TBK1: variants seen among roughly 807,000 people sequenced by gnomAD.
TBK1 encodes TANK binding kinase 1, also known as serine/threonine-protein kinase TBK1.
A neutral mutation model predicts 99.9 loss-of-function variants in TBK1; 37 were observed. That is an observed-to-expected ratio of 0.37 (90% CI 0.28 to 0.49). The LOEUF (loss-of-function observed/expected upper bound fraction) is 0.49. Among genes scored for constraint, TBK1 ranks in the 20% least tolerant of loss-of-function variants. TBK1 has a pLI of 0.98. For synonymous variants in TBK1, 258 were observed against 279.8 expected, an observed-to-expected ratio of 0.92 and a Z score of 0.78; for missense variants, 644 against 872.5, an observed-to-expected ratio of 0.74 and a Z score of 3.30.
chr12:64,457,318 A>G (rs982849813), intron 2 of TBK1, among the ~76,000 whole-genome samples: 1 of 152,166 alleles, frequency 6.6e-6, no homozygotes, highest in Non-Finnish European at 1.5e-5. Flanking sequence ...CTCCCCCTGT[A>G]TCTAGAATTA....
chr12:64,466,883 T>C lies in TBK1; in HGVS notation c.359-18T>C. On this transcript the variant is annotated intron_variant, in intron 4 of 20. Transcript: ENST00000331710. ...TAAATATCTACATTATGACTTCTTT[T>C]GTTTTATATTGTTGAAGTGGGTGGA... 1 of 1,523,936 alleles carries C rather than the reference T, an allele frequency of 6.6e-7. No homozygotes were observed. Among genetic ancestry groups the C allele is most frequent in the Non-Finnish European group, 8.8e-7 (1 of 1,131,520 alleles). The allele number at this position is 1,523,936 out of a possible 1,614,324, so 94.4% of individuals were successfully genotyped here.
intron 8 of TBK1, 129 bp from the exon 9 acceptor site, chr12:64,484,174 C>T (rs2040795632): frequency 3.2e-6 from 2 of 623,834 alleles, no homozygotes; most frequent in South Asian, 4.8e-5. Flanking sequence ...ATTAACAAAG[C>T]AAGTTTATAT....
intron 18 of TBK1, 27 bp from the exon 19 acceptor site, chr12:64,497,621 C>CTTTTTTTTTTT (rs71092972): frequency 9.2e-5 from 94 of 1,025,070 alleles, no homozygotes; most frequent in South Asian, 2.5e-4. Context: ...GGGTTTTTTT[C>CTTTTTTTTTTT]TTTTTTTTTT....
chr12:64,460,951 T>G (rs866665868), intron 3 of TBK1, among the ~76,000 whole-genome samples: 2 of 151,764 alleles, frequency 1.3e-5, no homozygotes, highest in Non-Finnish European at 1.5e-5. Context: ...CATGGAGGTG[T>G]ACGCCTGTAG....
At chr12:64,464,558 G>C (rs566658743) in intron 4 of TBK1, 95 bp downstream of exon 4, 3 of 950,322 alleles carry the variant, frequency 3.2e-6, no homozygotes, top group East Asian at 6.0e-5. Context: ...AGACCTTTAT[G>C]CAATGCTTCA....
At position 64,474,378 on chromosome 12, in the gene TBK1, A is replaced by G. The variant is rs2040691987; in HGVS notation, c.689A>G (p.Asn230Ser). Residue 230 changes from asparagine to serine, a missense_variant, in exon 6 of 21, where the codon AAT becomes AGT. Transcript: ENST00000331710. ...AGACCCTTTGAAGGGCCTCGTAGGA[A>G]TAAAGAAGTGATGTAAGTGGTTTCC... ...PFRPFEGPRRNKEVMYKIITG... is the reference protein window; with the variant it reads ...PFRPFEGPRRSKEVMYKIITG... 3 of 1,610,388 alleles carry G rather than the reference A, an allele frequency of 1.9e-6. No individual in the cohort carries two copies. Among genetic ancestry groups the G allele is most frequent in the Non-Finnish European group, 2.5e-6 (3 of 1,179,026 alleles).
At chr12:64,498,094 A>G in intron 20 of TBK1, 55 bp downstream of exon 20, 1 of 1,397,644 alleles carries the variant, frequency 7.2e-7, no homozygotes, top group Non-Finnish European at 1.0e-6. Context: ...GTTCATTCAC[A>G]TCTGTACTTA....
chr12:64,497,365 A>C, intron 18 of TBK1, 106 bp downstream of exon 18: 4 of 817,528 alleles, frequency 4.9e-6, no homozygotes, highest in Non-Finnish European at 7.3e-6. Context: ...AGTTCCACCC[A>C]CCAATTTTTA....
intron 12 of TBK1, among the ~76,000 whole-genome samples, chr12:64,489,614 G>T (rs2040849286): frequency 6.6e-6 from 1 of 150,456 alleles, no homozygotes. Context: ...TGTCATCTAG[G>T]CTGGAGTGCA....
rs542406561 is a variant in TBK1 at position 64,487,268 on chromosome 12, C to G, written c.1341-1219C>G. On this transcript the variant is annotated intron_variant, in intron 11 of 20. Transcript: ENST00000331710. ...CGTACACATCATGATGGCCTTGTGG[C>G]CGACAGATGTTAAGAAGTTTGTTTT... is the stretch of plus-strand genomic sequence containing the variant. Among the ~76,000 whole-genome samples, 20 of 152,282 alleles carry G rather than the reference C, an allele frequency of 1.3e-4. 1 individual carries two copies. In the South Asian group the frequency reaches 3.3e-3, roughly 25 times the overall value.
At chr12:64,471,280 T>C (rs890638358) in intron 5 of TBK1, among the ~76,000 whole-genome samples, 1 of 151,718 alleles carries the variant, frequency 6.6e-6, no homozygotes, top group Admixed American at 6.6e-5. Context: ...GTGATTCTTA[T>C]GTGCCAGCCT....
chr12:64,462,847 T>G (rs115734014), intron 3 of TBK1, among the ~76,000 whole-genome samples: 9 of 152,290 alleles, frequency 5.9e-5, no homozygotes, highest in African/African-American at 2.2e-4. Context: ...GTTATTAAAT[T>G]GATGAAGCAT....
intron 9 of TBK1, among the ~76,000 whole-genome samples, chr12:64,485,046 T>A (rs1430459472): frequency 6.6e-6 from 1 of 152,206 alleles, no homozygotes; most frequent in Non-Finnish European, 1.5e-5. Context: ...AAATATTTTT[T>A]GTGTGCAGTA....
chr12:64,463,878 T>G (rs941142486), intron 3 of TBK1, among the ~76,000 whole-genome samples: 2 of 151,582 alleles, frequency 1.3e-5, no homozygotes, highest in African/African-American at 4.9e-5. Flanking sequence ...TTGTTTTTTT[T>G]TTTTGAGATG....
chr12:64,493,136 T>A (rs2040888107), intron 13 of TBK1, among the ~76,000 whole-genome samples: 1 of 151,526 alleles, frequency 6.6e-6, no homozygotes, highest in Admixed American at 6.6e-5. Context: ...CCTCATGATC[T>A]GCCCACGTCG....
rs2040771450 is a variant in TBK1, at chr12:64,481,920, G to T, written c.891G>T (p.Gln297His). The change falls in exon 8 of 21, where the codon CAG becomes CAT. Residue 297 changes from glutamine (Q) to histidine (H), a missense_variant. Physicochemically the swap from Gln to His is conservative, Grantham distance 24 (BLOSUM62 0). This residue lies in a region of TBK1 where 465 missense variants were observed against 588.0 expected (regional missense o/e 0.79). Transcript: ENST00000331710. ...ADQEKCWGFD[Q>H]FFAETSDILH... Reference sequence around the variant, plus strand: ...AGGAAAAGTGTTGGGGTTTTGACCAGTTTTTTGCAGAAACTAGTGATATAC... The same window carrying T: ...AGGAAAAGTGTTGGGGTTTTGACCATTTTTTTGCAGAAACTAGTGATATAC... 6.2e-7 allele frequency: 1 copy of T among 1,612,218 alleles called. No homozygotes were observed. The highest frequency in any genetic ancestry group is 8.5e-7 in the Non-Finnish European group (1 of 1,179,210).
chr12:64,459,664 C>T lies in TBK1; in HGVS notation c.88-525C>T, dbSNP rs575310700. Reference sequence around the variant, plus strand: ...CCTCGCTCTGCAACTCCTGCTTTCCCCACTCCCCTCCCCCACGTTGTCCTA... The same window carrying T: ...CCTCGCTCTGCAACTCCTGCTTTCCTCACTCCCCTCCCCCACGTTGTCCTA... On this transcript the variant is annotated intron_variant, in intron 2 of 20. Coordinates refer to ENST00000331710, the MANE Select transcript of TBK1 (RefSeq NM_013254.4). 1.5e-4 allele frequency among the ~76,000 whole-genome samples: 23 copies of T among 152,198 alleles called. 1 individual carries two copies. The highest frequency in any genetic ancestry group is 3.4e-3 in the Middle Eastern group (1 of 294).
chr12:64,484,010 T>TATAC (rs1555204285), intron 8 of TBK1: 4 of 155,078 alleles, frequency 2.6e-5, no homozygotes, highest in African/African-American at 7.8e-5. Flanking sequence ...CTGTCTCACA[T>TATAC]ACACACACAC....
chr12:64,476,365 A>C (rs2040714113), intron 6 of TBK1, among the ~76,000 whole-genome samples: 2 of 151,470 alleles, frequency 1.3e-5, no homozygotes, highest in African/African-American at 4.8e-5. Flanking sequence ...TCACCATGTT[A>C]GCCAGGATGG....
Sources: gnomAD v4.1 joint callset for allele counts (sites outside exome capture counted in the v4.1 genomes callset) on GRCh38, gnomAD v4.1.1 for gene constraint, gnomAD v4.1.1 regional missense constraint, MANE v1.5 for transcripts, NCBI Gene and HGNC (gene_info 2026-07-23, HGNC 2026-07-21) for gene names.